Variants in LRP1 observed in about 807,000 individuals in gnomAD.
LRP1 encodes the protein LDL receptor related protein 1.
Under a neutral mutation model 541.5 loss-of-function variants are expected in LRP1, and 51 were observed. The ratio of observed to expected loss-of-function variants is 0.09; its 90% CI spans 0.08 to 0.12. The LOEUF is 0.12. Ranked by LOEUF, LRP1 falls within the 10% of genes least tolerant of loss-of-function variation. The pLI is 1.00. For synonymous variants in LRP1, 2,219 were observed against 2,470.8 expected (o/e 0.90, Z 3.02); for missense variants, 3,878 against 6,376.2 (o/e 0.61, Z 13.34).
chr12:57,194,833 G>C, intron 50 of LRP1, 134 bp downstream of exon 50: 1 of 1,277,886 alleles, frequency 7.8e-7, no homozygotes, highest in Admixed American at 2.0e-5. Flanking sequence ...CAACTCTTGA[G>C]GTCAGACTCA....
At position 57,206,460 on chromosome 12, in the gene LRP1, C is replaced by G. The variant is rs200492524; in HGVS notation, c.11591-13C>G. 2 of 1,613,272 alleles carry G rather than the reference C, an allele frequency of 1.2e-6. No homozygotes were observed. The highest frequency in any genetic ancestry group is 1.3e-5 in the African/African-American group (1 of 75,048). On this transcript the variant is annotated splice_polypyrimidine_tract_variant and intron_variant, in intron 75 of 88. Coordinates refer to ENST00000243077, the MANE Select transcript of LRP1 (RefSeq NM_002332.3). This position sits in a 1 kb window ranked among gnomAD's most constrained non-coding sequence, Gnocchi z 4.7. ...CATCCCACAGCCCCAGCCCTGGCCT[C>G]TTGCTTCTCCAGGCTCTGAGTACCA...
chr12:57,190,780 T>A, intron 42 of LRP1, 25 bp from the exon 43 acceptor site: 1 of 1,608,678 alleles, frequency 6.2e-7, no homozygotes, highest in Non-Finnish European at 8.5e-7. Flanking sequence ...CTTTGCCTCC[T>A]GATCTCTGGA....
At chr12:57,148,947 C>A in intron 6 of LRP1, 1 of 587,140 alleles carries the variant, frequency 1.7e-6, no homozygotes, top group Non-Finnish European at 3.1e-6. Flanking sequence ...CTTTTCCCTT[C>A]CTCTCCCTTT....
chr12:57,134,513 G>A (rs181842801), intron 1 of LRP1, among the ~76,000 whole-genome samples: 8 of 152,106 alleles, frequency 5.3e-5, no homozygotes, highest in African/African-American at 1.4e-4. Context: ...ATGCAATGGC[G>A]TGATCTCTGC....
chr12:57,132,834 GTCTC>G (rs2035065687), intron 1 of LRP1, among the ~76,000 whole-genome samples: 1 of 152,228 alleles, frequency 6.6e-6, no homozygotes, highest in East Asian at 1.9e-4. Context: ...GGGAGCAAGA[GTCTC>G]TCTGGGCTTT....
At chr12:57,193,435 C>A in intron 46 of LRP1, 131 bp downstream of exon 46, 2 of 1,503,812 alleles carry the variant, frequency 1.3e-6, no homozygotes, top group Admixed American at 1.8e-5. Context: ...TCATGAAGGG[C>A]AGAACCACTG....
chr12:57,182,286 C>T (rs925828838), intron 34 of LRP1, among the ~76,000 whole-genome samples: 16 of 149,440 alleles, frequency 1.1e-4, no homozygotes, highest in Non-Finnish European at 2.1e-4. Flanking sequence ...TGAGGCCGGC[C>T]GATCACTTGA....
At chr12:57,180,884 A>C in intron 33 of LRP1, 77 bp downstream of exon 33, 1 of 1,581,926 alleles carries the variant, frequency 6.3e-7, no homozygotes, top group Non-Finnish European at 8.6e-7. Flanking sequence ...CTGCAGGGCC[A>C]TGGGGCAAGG....
At position 57,212,307 on chromosome 12, in the gene LRP1, G is replaced by A. The variant is rs1487367761; in HGVS notation, c.13494+46G>A. 2 of 1,612,728 alleles carry A rather than the reference G, an allele frequency of 1.2e-6. No homozygotes were observed. The highest frequency in any genetic ancestry group is 1.7e-5 in the Admixed American group (1 of 59,946). On this transcript the variant is annotated intron_variant, in intron 88 of 88. Coordinates refer to ENST00000243077, the MANE Select transcript of LRP1 (RefSeq NM_002332.3). This position sits in a 1 kb window ranked among gnomAD's most constrained non-coding sequence, Gnocchi z 5.0. ...GGTCGAGTGCCAAGAGGCCGTGGGT[G>A]GCCTAACCAAAGGTGTTGGGTTAGG...
At position 57,179,685 on chromosome 12, in the gene LRP1, G is replaced by C; in HGVS notation, c.4967-97G>C. On this transcript the variant is annotated intron_variant, in intron 29 of 88. Coordinates refer to ENST00000243077, the MANE Select transcript of LRP1 (RefSeq NM_002332.3). The surrounding 1 kb of genome is among the most constrained non-coding windows in gnomAD (Gnocchi z 6.8). Reference sequence around the variant, plus strand: ...TGTTCCCCCTCAGTGCTCCAGCCTGGTTTCCTGATCCCTTTTCTCCAGAAG... The same window carrying C: ...TGTTCCCCCTCAGTGCTCCAGCCTGCTTTCCTGATCCCTTTTCTCCAGAAG... The C allele has an allele frequency of 7.0e-7, 1 of 1,426,280 alleles. No homozygotes were observed. The highest frequency in any genetic ancestry group is 9.7e-7 in the Non-Finnish European group (1 of 1,026,442). The allele number at this position is 1,426,280 out of a possible 1,614,324, so 88.4% of individuals were successfully genotyped here.
chr12:57,198,144 C>T lies in LRP1; in HGVS notation c.9283-12C>T. On this transcript the variant is annotated splice_polypyrimidine_tract_variant and intron_variant, in intron 58 of 88. Transcript: ENST00000243077. ...TCACCCAGAGCTCTCCCTCCCCTGC[C>T]CCTTCCTGCAGGTCCTACACCGTAC... is the stretch of plus-strand genomic sequence containing the variant. The T allele has an allele frequency of 6.3e-7, 1 of 1,593,052 alleles. No individual in the cohort carries two copies. The highest frequency in any genetic ancestry group is 8.6e-7 in the Non-Finnish European group (1 of 1,164,684).
Position 57,178,249 on chromosome 12 carries a change from G to T in LRP1, c.4362-110G>T. On this transcript the variant is annotated intron_variant, in intron 26 of 88. Coordinates refer to ENST00000243077, the MANE Select transcript of LRP1 (RefSeq NM_002332.3). This position sits in a 1 kb window ranked among gnomAD's most constrained non-coding sequence, Gnocchi z 5.8. ...GGCTTAGGGGAGGGAATGGTCCCAT[G>T]CTCTTCGCTGGGAGGGCTGTGGCCA... The T allele has an allele frequency of 7.7e-7, 1 of 1,298,008 alleles. No homozygotes were observed. 80.4% of individuals were successfully genotyped at this position (1,298,008 alleles called of 1,614,324 possible).
Position 57,185,558 on chromosome 12 carries a change from G to T in LRP1, c.6491G>T (p.Gly2164Val). 6.3e-7 allele frequency: 1 copy of T among 1,588,766 alleles called. No homozygotes were observed. ...ACCAACGTGTGCGCGGTGGCCAATG[G>T]CGGGTGCCAGCAGCTGTGCCTGTAC... is the stretch of plus-strand genomic sequence containing the variant. ...KGTNVCAVANGGCQQLCLYRG... is the reference protein window; with the variant it reads ...KGTNVCAVANVGCQQLCLYRG... Residue 2164 changes from glycine (G) to valine (V), a missense_variant, in exon 41 of 89, where the codon GGC becomes GTC. Gly to Val is a moderately radical substitution (Grantham distance 109). This residue lies in a region of LRP1 where 1,100 missense variants were observed against 1,827.4 expected (regional missense o/e 0.60). Coordinates refer to ENST00000243077, the MANE Select transcript of LRP1 (RefSeq NM_002332.3). The surrounding 1 kb of genome is among the most constrained non-coding windows in gnomAD (Gnocchi z 4.9).
chr12:57,159,034 G>T (rs1043285566), intron 11 of LRP1, among the ~76,000 whole-genome samples: 3 of 152,248 alleles, frequency 2.0e-5, no homozygotes, highest in Non-Finnish European at 4.4e-5. Flanking sequence ...TGACCTTGCA[G>T]TCGCCAAAAA....
At chr12:57,161,140 G>A in intron 13 of LRP1, 25 bp downstream of exon 13, 2 of 1,604,928 alleles carry the variant, frequency 1.2e-6, no homozygotes, top group Non-Finnish European at 1.7e-6. Context: ...GCCTGTGTGG[G>A]GGAATCTGTG....
intron 33 of LRP1, 122 bp from the exon 34 acceptor site, chr12:57,181,035 G>T: frequency 7.6e-7 from 1 of 1,309,750 alleles, no homozygotes; most frequent in Non-Finnish European, 1.0e-6. Context: ...TGGGTAGGGT[G>T]GTGACCCCCA....
intron 64 of LRP1, 92 bp from the exon 65 acceptor site, chr12:57,200,942 C>T (rs1483918496): frequency 3.1e-6 from 5 of 1,596,612 alleles, no homozygotes; most frequent in South Asian, 1.1e-5. Context: ...TCCTATGGCT[C>T]AAGCCTGTGT....
In LRP1 at chr12:57,179,207, T is replaced by G. The variant is rs887903291; in HGVS notation, c.4739-122T>G. On this transcript the variant is annotated intron_variant, in intron 28 of 88. Transcript: ENST00000243077. This position sits in a 1 kb window ranked among gnomAD's most constrained non-coding sequence, Gnocchi z 6.8. The stretch of plus-strand genomic sequence containing the variant: ...CAGGGGGGCTGCACCCAGCGGGGTA[T>G]GTCCACGGAGCCAAGGGCCAGTAGC... The G allele has an allele frequency of 4.3e-6, 5 of 1,162,204 alleles. No individual in the cohort carries two copies. In the African/African-American group the frequency reaches 7.6e-5, roughly 18 times the overall value. 72.0% of individuals were successfully genotyped at this position (1,162,204 alleles called of 1,614,324 possible).
At chr12:57,169,577 G>A (rs2035905768) in intron 20 of LRP1, among the ~76,000 whole-genome samples, 1 of 152,226 alleles carries the variant, frequency 6.6e-6, no homozygotes, top group African/African-American at 2.4e-5. Context: ...TTATCTGGGT[G>A]GCCTTGAGCA....
Sources: gnomAD v4.1 joint callset for allele counts (sites outside exome capture counted in the v4.1 genomes callset) on GRCh38, gnomAD v4.1.1 for gene constraint, gnomAD v4.1.1 regional missense constraint, Gnocchi (gnomAD v3.1) non-coding constraint, MANE v1.5 for transcripts, NCBI Gene and HGNC (gene_info 2026-07-23, HGNC 2026-07-21) for gene names.